Variants in TAOK1 observed in about 807,000 individuals in gnomAD.
The protein encoded by TAOK1 is serine/threonine-protein kinase TAO1.
TAOK1 carries 21 observed loss-of-function variants against 138.3 expected under a neutral mutation model. The ratio of observed to expected loss-of-function variants is 0.15; its 90% CI spans 0.11 to 0.22. The LOEUF (loss-of-function observed/expected upper bound fraction) is 0.22, where lower values mean the gene tolerates loss of function less well. TAOK1 is among the 10% of genes least tolerant of loss of function. The pLI, the probability that TAOK1 is intolerant of heterozygous loss-of-function variation, is 1.00. For synonymous variants in TAOK1, 361 were observed against 398.4 expected (o/e 0.91, Z 1.12); for missense variants, 651 against 1,227.7 (o/e 0.53, Z 7.02).
At position 29,491,773 on chromosome 17, in the gene TAOK1, C is replaced by T; in HGVS notation, c.750-11C>T. The T allele has an allele frequency of 1.9e-6, 3 of 1,604,808 alleles. No individual in the cohort carries two copies. The highest frequency in any genetic ancestry group is 2.6e-6 in the Non-Finnish European group (3 of 1,172,128). On this transcript the variant is annotated splice_polypyrimidine_tract_variant and intron_variant, in intron 9 of 19. Transcript: ENST00000261716. ...AGCAATGTGTTCACTTGATACTTTCCTTTACAATAGGTCTGATTATTTTCG... is the reference window on the plus strand; with the variant it reads ...AGCAATGTGTTCACTTGATACTTTCTTTTACAATAGGTCTGATTATTTTCG...
chr17:29,443,512 C>T (rs1288350337), intron 1 of TAOK1, among the ~76,000 whole-genome samples: 1 of 152,152 alleles, frequency 6.6e-6, no homozygotes, highest in Non-Finnish European at 1.5e-5. Context: ...GATAAAGTGA[C>T]ACCACCCACA....
intron 1 of TAOK1, among the ~76,000 whole-genome samples, chr17:29,401,039 AACTGCG>A (rs1904823648): frequency 6.6e-6 from 1 of 151,160 alleles, no homozygotes; most frequent in African/African-American, 2.4e-5. Context: ...CCTCCTGAGT[AACTGCG>A]ACTACAGGTG....
chr17:29,529,686 T>C (rs904390045), intron 17 of TAOK1, among the ~76,000 whole-genome samples: 2 of 152,210 alleles, frequency 1.3e-5, no homozygotes, highest in Middle Eastern at 3.4e-3. Context: ...GCCAACATGG[T>C]GAAACCCCGT....
At chr17:29,475,359 G>T (rs189325754) in intron 3 of TAOK1, among the ~76,000 whole-genome samples, 1 of 152,296 alleles carries the variant, frequency 6.6e-6, no homozygotes, top group East Asian at 1.9e-4. Flanking sequence ...GAGCAATGCA[G>T]TGAAACCCCA....
chr17:29,475,728 G>C lies in TAOK1; in HGVS notation c.263G>C (p.Ser88Thr), dbSNP rs2030928574. Reference sequence around the variant, plus strand: ...CTACAAAGAATAAAACATCCCAACAGTATAGAATACAAAGGCTGTTATTTA... The same window carrying C: ...CTACAAAGAATAAAACATCCCAACACTATAGAATACAAAGGCTGTTATTTA... ...KFLQRIKHPN[S>T]IEYKGCYLRE... Residue 88 changes from serine (S) to threonine (T), a missense_variant, in exon 4 of 20, where the codon AGT becomes ACT. By Grantham distance (58) the Ser-to-Thr change is moderately conservative. This residue lies in a region of TAOK1 where 116 missense variants were observed against 213.9 expected (regional missense o/e 0.54). Transcript: ENST00000261716. 3.1e-6 allele frequency: 5 copies of C among 1,613,382 alleles called. No individual in the cohort carries two copies. The highest frequency in any genetic ancestry group is 3.4e-6 in the Non-Finnish European group (4 of 1,179,756).
At chr17:29,518,814 G>C (rs922936263) in intron 16 of TAOK1, among the ~76,000 whole-genome samples, 2 of 150,604 alleles carry the variant, frequency 1.3e-5, no homozygotes, top group Non-Finnish European at 3.0e-5. Context: ...TTTCACCCAG[G>C]CTGAAGTACA....
chr17:29,485,704 T>C (rs924073953), intron 8 of TAOK1, among the ~76,000 whole-genome samples: 2 of 152,230 alleles, frequency 1.3e-5, no homozygotes, highest in Non-Finnish European at 2.9e-5. Flanking sequence ...TTTTTCCCAT[T>C]GAGAGGAATA....
intron 12 of TAOK1, among the ~76,000 whole-genome samples, chr17:29,501,981 G>A (rs2031539115): frequency 6.6e-6 from 1 of 152,112 alleles, no homozygotes; most frequent in Non-Finnish European, 1.5e-5. Flanking sequence ...ACACTGCGGT[G>A]AGCCATTGAG....
intron 12 of TAOK1, among the ~76,000 whole-genome samples, chr17:29,501,731 C>T (rs1343151538): frequency 6.6e-6 from 1 of 151,696 alleles, no homozygotes; most frequent in Non-Finnish European, 1.5e-5. Flanking sequence ...TGCATATAAT[C>T]GGTAGGATAT....
At chr17:29,526,819 TAAAAA>T (rs71138830) in intron 17 of TAOK1, among the ~76,000 whole-genome samples, 10 of 50,948 alleles carry the variant, frequency 2.0e-4, no homozygotes, top group Admixed American at 2.9e-4. Context: ...TCTCATCTCT[TAAAAA>T]AAAAAAAAAA....
chr17:29,525,020 G>T (rs1246436201), intron 17 of TAOK1, among the ~76,000 whole-genome samples: 1 of 152,106 alleles, frequency 6.6e-6, no homozygotes, highest in Non-Finnish European at 1.5e-5. Flanking sequence ...TCTTGTTAAA[G>T]AAAAATTTTT....
intron 1 of TAOK1, among the ~76,000 whole-genome samples, chr17:29,432,004 G>A (rs989893699): frequency 1.3e-5 from 2 of 151,872 alleles, no homozygotes; most frequent in South Asian, 2.1e-4. Flanking sequence ...GATGGGTGCC[G>A]AGACCAGCTC....
At chr17:29,423,512 C>A (rs1416113862) in intron 1 of TAOK1, among the ~76,000 whole-genome samples, 1 of 151,972 alleles carries the variant, frequency 6.6e-6, no homozygotes, top group African/African-American at 2.4e-5. Context: ...CCACTGCGCC[C>A]AGCCTCTTCT....
intron 18 of TAOK1, among the ~76,000 whole-genome samples, chr17:29,531,202 C>T (rs2032100657): frequency 6.6e-6 from 1 of 150,972 alleles, no homozygotes; most frequent in Admixed American, 6.6e-5. Context: ...CTCCTGACCT[C>T]GTGATCCGCC....
chr17:29,437,056 T>G lies in TAOK1; in HGVS notation c.-94-14399T>G, dbSNP rs959256233. On this transcript the variant is annotated intron_variant, in intron 1 of 19. Coordinates refer to ENST00000261716, the MANE Select transcript of TAOK1 (RefSeq NM_020791.4). ...AAAGTTTAAAGAAGAAAAAAACCTTTTTTGTTTGTTTGTTTGTTTGTTTTT... is the reference window on the plus strand; with the variant it reads ...AAAGTTTAAAGAAGAAAAAAACCTTGTTTGTTTGTTTGTTTGTTTGTTTTT... Among the ~76,000 whole-genome samples the G allele has an allele frequency of 3.9e-5, 6 of 152,038 alleles. No individual in the cohort carries two copies. The South Asian group carries it at 1.0e-3, about 26-fold the overall frequency.
chr17:29,467,474 G>T lies in TAOK1; in HGVS notation c.204+258G>T, dbSNP rs1269174249. 4.6e-5 allele frequency among the ~76,000 whole-genome samples: 7 copies of T among 152,046 alleles called. 1 individual carries two copies. In the South Asian group the frequency reaches 1.5e-3, roughly 32 times the overall value. On this transcript the variant is annotated intron_variant, in intron 3 of 19. Coordinates refer to ENST00000261716, the MANE Select transcript of TAOK1 (RefSeq NM_020791.4). ...ATTTTTAGTAGAGATGGGTTTCACCGTGTTAGCCAGGATGGTCTTGATCTC... is the reference window on the plus strand; with the variant it reads ...ATTTTTAGTAGAGATGGGTTTCACCTTGTTAGCCAGGATGGTCTTGATCTC...
At chr17:29,524,287 T>A (rs1455034578) in intron 17 of TAOK1, among the ~76,000 whole-genome samples, 3 of 152,178 alleles carry the variant, frequency 2.0e-5, no homozygotes, top group Non-Finnish European at 2.9e-5. Flanking sequence ...TAAACCAACG[T>A]GTCAGCAAAG....
chr17:29,428,397 G>A (rs1598477377), intron 1 of TAOK1, among the ~76,000 whole-genome samples: 2 of 152,112 alleles, frequency 1.3e-5, no homozygotes, highest in East Asian at 3.9e-4. Flanking sequence ...GGCAGTGAGG[G>A]TTTTGATGTG....
intron 2 of TAOK1, among the ~76,000 whole-genome samples, chr17:29,455,099 C>G (rs756096471): frequency 3.3e-5 from 5 of 151,948 alleles, no homozygotes; most frequent in Non-Finnish European, 7.4e-5. Context: ...TTAGTAGAGA[C>G]AGGGTTTCAC....
Sources: gnomAD v4.1 joint callset for allele counts (sites outside exome capture counted in the v4.1 genomes callset) on GRCh38, gnomAD v4.1.1 for gene constraint, gnomAD v4.1.1 regional missense constraint, MANE v1.5 for transcripts, NCBI Gene and HGNC (gene_info 2026-07-23, HGNC 2026-07-21) for gene names.